Variants in PLCE1 observed in about 807,000 individuals in gnomAD.
PLCE1 encodes the protein phospholipase C epsilon 1, also known as 1-phosphatidylinositol 4,5-bisphosphate phosphodiesterase epsilon-1.
PLCE1 carries 119 observed loss-of-function variants against 242.8 expected under a neutral mutation model. The ratio of observed to expected loss-of-function variants is 0.49; its 90% CI spans 0.42 to 0.57. The LOEUF (loss-of-function observed/expected upper bound fraction) is 0.57. PLCE1 is among the 20% of genes least tolerant of loss of function. The probability of loss-of-function intolerance (pLI) is 0.00; values close to 1 mark genes in which losing one functional copy is unlikely to be tolerated. For missense variants in PLCE1, 2,441 were observed against 2,788.8 expected (o/e 0.88, Z 2.81); for synonymous variants, 945 against 1,017.4 (o/e 0.93, Z 1.35).
At chr10:94,050,922 A>C (rs2134783758) in intron 2 of PLCE1, among the ~76,000 whole-genome samples, 1 of 152,254 alleles carries the variant, frequency 6.6e-6, no homozygotes, top group East Asian at 1.9e-4. Flanking sequence ...CACAGCATGA[A>C]GTGATGGAGA....
At chr10:94,047,094 A>C (rs1023345051) in intron 2 of PLCE1, among the ~76,000 whole-genome samples, 3 of 152,232 alleles carry the variant, frequency 2.0e-5, no homozygotes, top group African/African-American at 7.2e-5. Context: ...ACTGTTAATA[A>C]GTTCTGATAA....
At chr10:94,191,562 G>C (rs953268756) in intron 4 of PLCE1, among the ~76,000 whole-genome samples, 5 of 152,104 alleles carry the variant, frequency 3.3e-5, no homozygotes, top group African/African-American at 1.2e-4. Flanking sequence ...GATCACTTGA[G>C]TGCGGGAGGT....
chr10:94,198,073 C>CA (rs11294965), intron 4 of PLCE1, among the ~76,000 whole-genome samples: 1,546 of 139,890 alleles, frequency 0.011, 11 homozygotes, highest in Non-Finnish European at 0.018. Flanking sequence ...CACCCCCCAC[C>CA]AAAAAAAAAA....
chr10:94,292,719 A>G (rs1223260978), intron 22 of PLCE1, among the ~76,000 whole-genome samples: 1 of 151,974 alleles, frequency 6.6e-6, no homozygotes, highest in Non-Finnish European at 1.5e-5. Context: ...CTGAAATACG[A>G]CCTCCTGAAT....
intron 13 of PLCE1, among the ~76,000 whole-genome samples, chr10:94,261,146 TC>T (rs956148605): frequency 2.0e-5 from 3 of 151,806 alleles, no homozygotes; most frequent in Admixed American, 6.6e-5. Context: ...CATTTTTCCA[TC>T]CCCCCCGCGA....
chr10:94,141,546 GCT>G (rs1360720575), intron 3 of PLCE1, among the ~76,000 whole-genome samples: 13 of 130,452 alleles, frequency 1.0e-4, no homozygotes, highest in Non-Finnish European at 2.0e-4. Context: ...TGAAGGGAAG[GCT>G]AAGGGAAGGT....
intron 2 of PLCE1, among the ~76,000 whole-genome samples, chr10:94,128,808 C>G (rs1263097816): frequency 2.6e-5 from 4 of 152,052 alleles, no homozygotes; most frequent in Admixed American, 1.3e-4. Context: ...TAATGGTGAC[C>G]AGATATTGGC....
At chr10:94,144,913 T>C (rs1187336997) in intron 3 of PLCE1, among the ~76,000 whole-genome samples, 2 of 152,116 alleles carry the variant, frequency 1.3e-5, no homozygotes, top group Non-Finnish European at 2.9e-5. Context: ...TTTTTGCCTA[T>C]GAAAAATAGA....
chr10:94,186,184 T>A (rs565281751), intron 4 of PLCE1, among the ~76,000 whole-genome samples: 2 of 152,326 alleles, frequency 1.3e-5, no homozygotes, highest in Non-Finnish European at 2.9e-5. Flanking sequence ...AAGGTAAAAA[T>A]GGGGCTTCCT....
At chr10:94,309,007 T>C (rs1400516695) in intron 27 of PLCE1, among the ~76,000 whole-genome samples, 3 of 152,182 alleles carry the variant, frequency 2.0e-5, no homozygotes, top group African/African-American at 7.2e-5. Flanking sequence ...CAAGTTCCAG[T>C]AACAAAGCCC....
At chr10:94,318,532 G>A (rs1279973889) in intron 29 of PLCE1, among the ~76,000 whole-genome samples, 1 of 152,140 alleles carries the variant, frequency 6.6e-6, no homozygotes, top group African/African-American at 2.4e-5. Context: ...AGGGTTAGAA[G>A]TAGAAAGAAC....
intron 1 of PLCE1, among the ~76,000 whole-genome samples, chr10:94,028,058 A>G (rs1006128559): frequency 2.0e-5 from 3 of 152,082 alleles, no homozygotes; most frequent in Non-Finnish European, 2.9e-5. Flanking sequence ...TTGGCAATTC[A>G]CTTAGCTTTT....
chr10:94,265,713 C>G lies in PLCE1; in HGVS notation c.4115+5C>G. ...GTCATTTGAAGGGTTTGCCAGGTAACTTTTAAAATATCTTTTGCCCATCTT... is the reference window on the plus strand; with the variant it reads ...GTCATTTGAAGGGTTTGCCAGGTAAGTTTTAAAATATCTTTTGCCCATCTT... On this transcript the variant is annotated splice_donor_5th_base_variant and intron_variant, in intron 15 of 32. Transcript: ENST00000371380. The G allele has an allele frequency of 1.2e-6, 2 of 1,613,714 alleles. No homozygotes were observed. The highest frequency in any genetic ancestry group is 1.7e-6 in the Non-Finnish European group (2 of 1,179,794).
intron 23 of PLCE1, among the ~76,000 whole-genome samples, chr10:94,296,614 G>A (rs1451053870): frequency 1.3e-5 from 2 of 152,012 alleles, no homozygotes; most frequent in Non-Finnish European, 2.9e-5. Flanking sequence ...TCTCAATTAG[G>A]CTTTGGCTTA....
intron 18 of PLCE1, 37 bp downstream of exon 18, chr10:94,270,639 C>A: frequency 8.1e-7 from 1 of 1,240,194 alleles, no homozygotes; most frequent in Non-Finnish European, 1.2e-6. Flanking sequence ...GGTATGTTGG[C>A]CCTTGTTTTG....
At chr10:94,053,862 T>A (rs1488374489) in intron 2 of PLCE1, among the ~76,000 whole-genome samples, 1 of 152,248 alleles carries the variant, frequency 6.6e-6, no homozygotes, top group Non-Finnish European at 1.5e-5. Context: ...ATTTCATTTT[T>A]CAGGGTGACC....
chr10:94,040,486 G>T (rs1301834943), intron 2 of PLCE1, among the ~76,000 whole-genome samples: 2 of 152,150 alleles, frequency 1.3e-5, no homozygotes, highest in Non-Finnish European at 2.9e-5. Context: ...GGAAGAGGTC[G>T]CCACATCACA....
At chr10:94,060,519 C>T (rs967501925) in intron 2 of PLCE1, among the ~76,000 whole-genome samples, 22 of 152,064 alleles carry the variant, frequency 1.4e-4, no homozygotes, top group East Asian at 5.8e-4. Context: ...CTTTACTTCC[C>T]TGTGCCTTGA....
intron 4 of PLCE1, among the ~76,000 whole-genome samples, chr10:94,182,901 G>A (rs1564765074): frequency 6.6e-6 from 1 of 152,102 alleles, no homozygotes; most frequent in Admixed American, 6.6e-5. Context: ...TAATGGATCC[G>A]GTGGAAATCA....
Sources: gnomAD v4.1 joint callset for allele counts (sites outside exome capture counted in the v4.1 genomes callset) on GRCh38, gnomAD v4.1.1 for gene constraint, MANE v1.5 for transcripts, NCBI Gene and HGNC (gene_info 2026-07-23, HGNC 2026-07-21) for gene names.